The following PRKCB variants were observed in gnomAD, a reference collection of about 807,000 sequenced individuals.
The protein encoded by PRKCB is protein kinase C beta type.
PRKCB carries 13 observed loss-of-function variants against 81.5 expected under a neutral mutation model. The observed-to-expected ratio is 0.16, with a 90% CI of 0.10 to 0.25. The LOEUF is 0.25. PRKCB is among the 10% of genes least tolerant of loss of function. The probability of loss-of-function intolerance (pLI) is 1.00; values close to 1 mark genes in which losing one functional copy is unlikely to be tolerated. For missense variants in PRKCB, 509 were observed against 875.7 expected, an observed-to-expected ratio of 0.58 and a Z score of 5.29; for synonymous variants, 335 against 321.4, an observed-to-expected ratio of 1.04 and a Z score of -0.45.
At chr16:24,021,117 C>CTTTT (rs1357473436) in intron 3 of PRKCB, among the ~76,000 whole-genome samples, 1 of 128,292 alleles carries the variant, frequency 7.8e-6, no homozygotes, top group Non-Finnish European at 1.6e-5. Context: ...CCTTCTCTCT[C>CTTTT]TTTCTTTCTT....
chr16:24,033,573 C>T (rs1965575688), intron 4 of PRKCB, among the ~76,000 whole-genome samples: 1 of 151,988 alleles, frequency 6.6e-6, no homozygotes, highest in Non-Finnish European at 1.5e-5. Flanking sequence ...ACCAGCTTGG[C>T]CAACGTGGCA....
intron 4 of PRKCB, 72 bp downstream of exon 4, chr16:24,032,319 T>C (rs1965560164): frequency 1.8e-6 from 2 of 1,137,944 alleles, no homozygotes; most frequent in Non-Finnish European, 2.6e-6. Context: ...CCACTTGGTT[T>C]GGGGTCCAGG....
intron 12 of PRKCB, among the ~76,000 whole-genome samples, chr16:24,179,028 T>G (rs916742447): frequency 5.3e-5 from 8 of 152,306 alleles, no homozygotes; most frequent in Non-Finnish European, 1.0e-4. Context: ...TTAGATTGCT[T>G]CTTTTCATCT....
At chr16:24,070,931 G>A (rs141065282) in intron 5 of PRKCB, among the ~76,000 whole-genome samples, 281 of 152,310 alleles carry the variant, frequency 1.8e-3, no homozygotes, top group Admixed American at 3.1e-3. Flanking sequence ...CCTGTGATGG[G>A]TCAGATGAAG....
In PRKCB at chr16:24,216,308, C is replaced by G; in HGVS notation, c.*1492C>G. On this transcript the variant is annotated 3_prime_UTR_variant, in exon 17 of 17. Transcript: ENST00000643927. ...TGATTTTCTTATCAAAATCACCACT[C>G]CTCCCAGCTTGGACTAAATATTCTT... The G allele has an allele frequency of 1.0e-6, 1 of 985,428 alleles. No homozygotes were observed. The highest frequency in any genetic ancestry group is 1.2e-6 in the Non-Finnish European group (1 of 829,932). 61.0% of individuals were successfully genotyped at this position (985,428 alleles called of 1,614,324 possible). A position where few individuals can be genotyped will look rare whatever the true frequency, so the allele number is the denominator to read the frequency against.
chr16:24,019,501 C>T (rs192119632), intron 3 of PRKCB, among the ~76,000 whole-genome samples: 433 of 152,276 alleles, frequency 2.8e-3, no homozygotes, highest in Non-Finnish European at 4.5e-3. Flanking sequence ...CAGTGGCTCA[C>T]GCCTGTAATC....
At chr16:23,905,940 A>G (rs954826717) in intron 2 of PRKCB, among the ~76,000 whole-genome samples, 2 of 152,164 alleles carry the variant, frequency 1.3e-5, no homozygotes, top group Admixed American at 1.3e-4. Context: ...ATGATGCATA[A>G]TGTATTTAAC....
chr16:23,988,821 T>C (rs1430108186), intron 3 of PRKCB, among the ~76,000 whole-genome samples: 2 of 152,120 alleles, frequency 1.3e-5, no homozygotes, highest in Non-Finnish European at 1.5e-5. Flanking sequence ...GCTAATGTCT[T>C]CACTTTGAGA....
intron 2 of PRKCB, among the ~76,000 whole-genome samples, chr16:23,895,944 T>A (rs928557928): frequency 2.0e-5 from 3 of 152,350 alleles, no homozygotes; most frequent in African/African-American, 4.8e-5. Context: ...CATGGCAGCT[T>A]TTCCCACCTT....
In PRKCB at chr16:24,139,734, G is replaced by A. The variant is rs565196960; in HGVS notation, c.1066-14950G>A. Reference sequence around the variant, plus strand: ...GAAAAATTAGCTTATCTATCACACAGATCCATGCTTTTATCATCTATAAAG... The same window carrying A: ...GAAAAATTAGCTTATCTATCACACAAATCCATGCTTTTATCATCTATAAAG... On this transcript the variant is annotated intron_variant, in intron 9 of 16. Transcript: ENST00000643927. 7.9e-5 allele frequency among the ~76,000 whole-genome samples: 12 copies of A among 152,302 alleles called. No individual in the cohort carries two copies. The East Asian group carries it at 1.7e-3, about 22-fold the overall frequency.
At chr16:24,005,918 C>T (rs1277492477) in intron 3 of PRKCB, among the ~76,000 whole-genome samples, 1 of 152,228 alleles carries the variant, frequency 6.6e-6, no homozygotes, top group Non-Finnish European at 1.5e-5. Context: ...AAAAATAATG[C>T]TCCTTCCAGG....
At chr16:23,836,971 C>G (rs919756372) in intron 1 of PRKCB, among the ~76,000 whole-genome samples, 1 of 152,000 alleles carries the variant, frequency 6.6e-6, no homozygotes, top group African/African-American at 2.4e-5. Context: ...GGCATCCTTT[C>G]CTCCTTCCCA....
intron 2 of PRKCB, among the ~76,000 whole-genome samples, chr16:23,915,689 CAA>C (rs71154259): frequency 0.053 from 2,888 of 54,288 alleles, 27 homozygotes; most frequent in African/African-American, 0.12. Flanking sequence ...GACTCTCTAT[CAA>C]AAAAAAAAAA....
At chr16:23,962,486 G>T (rs1029547407) in intron 2 of PRKCB, among the ~76,000 whole-genome samples, 1 of 152,152 alleles carries the variant, frequency 6.6e-6, no homozygotes, top group African/African-American at 2.4e-5. Context: ...TATCAGCTCA[G>T]AATTCACTTA....
chr16:24,031,605 C>G (rs1410980775), intron 3 of PRKCB, among the ~76,000 whole-genome samples: 3 of 152,198 alleles, frequency 2.0e-5, no homozygotes, highest in Non-Finnish European at 4.4e-5. Context: ...TGGTGGAAAA[C>G]CAGCAGTCTC....
chr16:24,146,093 C>T (rs954064117), intron 9 of PRKCB, among the ~76,000 whole-genome samples: 3 of 152,086 alleles, frequency 2.0e-5, no homozygotes, highest in Non-Finnish European at 2.9e-5. Flanking sequence ...TGGAGTGATG[C>T]GCTTAAAAGC....
chr16:23,888,162 C>G (rs949753086), intron 2 of PRKCB, among the ~76,000 whole-genome samples: 6 of 152,202 alleles, frequency 3.9e-5, no homozygotes, highest in African/African-American at 1.4e-4. Flanking sequence ...TCCCTTTCTC[C>G]CTGGTGGGCT....
intron 2 of PRKCB, among the ~76,000 whole-genome samples, chr16:23,887,810 A>G (rs1963227691): frequency 6.7e-6 from 1 of 148,934 alleles, no homozygotes; most frequent in Non-Finnish European, 1.5e-5. Context: ...TTACAATTTC[A>G]CCAACAGTGT....
At chr16:24,125,104 C>G (rs1417650422) in intron 9 of PRKCB, among the ~76,000 whole-genome samples, 2 of 24,644 alleles carry the variant, frequency 8.1e-5, no homozygotes, top group Non-Finnish European at 1.3e-4. Flanking sequence ...CAATCCCAAT[C>G]TTGTTACCTA....
Sources: gnomAD v4.1 joint callset for allele counts (sites outside exome capture counted in the v4.1 genomes callset) on GRCh38, gnomAD v4.1.1 for gene constraint, MANE v1.5 for transcripts, NCBI Gene and HGNC (gene_info 2026-07-23, HGNC 2026-07-21) for gene names.